The following EPB41L4B variants were observed in gnomAD, a reference collection of about 807,000 sequenced individuals.
EPB41L4B encodes band 4.1-like protein 4B.
In EPB41L4B, 30 loss-of-function variants were observed where a neutral mutation model predicts 112.5. The observed-to-expected ratio is 0.27, with a 90% confidence interval of 0.20 to 0.36. EPB41L4B has a LOEUF of 0.36. Among genes scored for constraint, EPB41L4B ranks in the 10% least tolerant of loss-of-function variants. EPB41L4B has a pLI of 1.00. For synonymous variants in EPB41L4B, 408 were observed against 439.7 expected, an observed-to-expected ratio of 0.93 and a Z score of 0.90; for missense variants, 1,024 against 1,133.3, an observed-to-expected ratio of 0.90 and a Z score of 1.38.
chr9:109,265,184 T>A (rs1835355306), intron 4 of EPB41L4B, among the ~76,000 whole-genome samples, 160 bp from the exon 5 acceptor site: 1 of 152,218 alleles, frequency 6.6e-6, no homozygotes, highest in South Asian at 2.1e-4. Flanking sequence ...GCATCTCCTC[T>A]TGGGTCTCCA....
At chr9:109,233,431 A>G (rs942794007) in intron 15 of EPB41L4B, among the ~76,000 whole-genome samples, 2 of 152,220 alleles carry the variant, frequency 1.3e-5, no homozygotes, top group African/African-American at 4.8e-5. Flanking sequence ...TTCAAAATCA[A>G]TTCCTTTCCC....
chr9:109,287,782 C>T (rs1183580304), intron 1 of EPB41L4B, among the ~76,000 whole-genome samples: 4 of 152,058 alleles, frequency 2.6e-5, no homozygotes, highest in Non-Finnish European at 4.4e-5. Flanking sequence ...CACAGGTGTA[C>T]TCCACTATGG....
intron 1 of EPB41L4B, among the ~76,000 whole-genome samples, chr9:109,281,589 C>T (rs1332599697): frequency 3.3e-5 from 5 of 152,060 alleles, no homozygotes; most frequent in Admixed American, 6.6e-5. Context: ...TGTAATCCCG[C>T]TATTCAGGAG....
chr9:109,235,542 C>A (rs1284165497), intron 15 of EPB41L4B, among the ~76,000 whole-genome samples: 1 of 151,990 alleles, frequency 6.6e-6, no homozygotes, highest in African/African-American at 2.4e-5. Context: ...ACTACACAGG[C>A]ACACACCACC....
chr9:109,285,184 A>G lies in EPB41L4B; in HGVS notation c.307-5263T>C, dbSNP rs1283391779. On this transcript the variant is annotated intron_variant, in intron 1 of 25. Coordinates refer to ENST00000374566, the MANE Select transcript of EPB41L4B (RefSeq NM_019114.5). Reference sequence around the variant, plus strand: ...GGTCTGTTTTGGTTCTGGGCTGACCATCCCATCACACAGAGTATTAACTGA... The same window carrying G: ...GGTCTGTTTTGGTTCTGGGCTGACCGTCCCATCACACAGAGTATTAACTGA... Among the ~76,000 whole-genome samples, 5 of 152,376 alleles carry G rather than the reference A, an allele frequency of 3.3e-5. No homozygotes were observed. The South Asian group carries it at 8.3e-4, about 25-fold the overall frequency.
chr9:109,178,577 T>C (rs7037973), intron 24 of EPB41L4B, among the ~76,000 whole-genome samples: 13,647 of 152,042 alleles, frequency 0.09, 957 homozygotes, highest in African/African-American at 0.19. Flanking sequence ...TTAAGAACAG[T>C]ATTCAGAACA....
intron 1 of EPB41L4B, among the ~76,000 whole-genome samples, chr9:109,289,927 C>T (rs930474527): frequency 5.9e-5 from 9 of 152,182 alleles, no homozygotes; most frequent in Non-Finnish European, 1.3e-4. Context: ...TTTGTTATTC[C>T]ACTTATCAGT....
intron 15 of EPB41L4B, among the ~76,000 whole-genome samples, chr9:109,225,766 G>C (rs980197867): frequency 6.6e-6 from 1 of 152,168 alleles, no homozygotes; most frequent in Non-Finnish European, 1.5e-5. Flanking sequence ...AGTGATGCTT[G>C]AAGCAGGTCC....
chr9:109,224,229 C>T (rs1833687110), intron 15 of EPB41L4B, among the ~76,000 whole-genome samples: 1 of 152,066 alleles, frequency 6.6e-6, no homozygotes, highest in Non-Finnish European at 1.5e-5. Flanking sequence ...CATGCAAAAA[C>T]TTACATGTGA....
intron 1 of EPB41L4B, among the ~76,000 whole-genome samples, chr9:109,283,196 T>G (rs16914084): frequency 0.012 from 1,771 of 152,262 alleles, 31 homozygotes; most frequent in African/African-American, 0.04. Context: ...TCTGGCAAGG[T>G]TACACTAAGG....
At chr9:109,197,362 G>A (rs1386984591) in intron 20 of EPB41L4B, among the ~76,000 whole-genome samples, 2 of 152,162 alleles carry the variant, frequency 1.3e-5, no homozygotes, top group Non-Finnish European at 2.9e-5. Context: ...GGCGGAGGCT[G>A]CAGTGAGCTA....
At chr9:109,200,632 C>T (rs540073898) in intron 19 of EPB41L4B, among the ~76,000 whole-genome samples, 15 of 152,156 alleles carry the variant, frequency 9.9e-5, no homozygotes, top group Non-Finnish European at 1.9e-4. Flanking sequence ...CCCTGCCCCC[C>T]AATATGAGGG....
intron 1 of EPB41L4B, chr9:109,300,859 A>G (rs747364599): frequency 2.0e-5 from 3 of 152,148 alleles, no homozygotes; most frequent in African/African-American, 4.8e-5. Flanking sequence ...TCACTATCCT[A>G]TATGTGAAAT....
At chr9:109,239,923 G>A (rs1402880047) in intron 15 of EPB41L4B, 5 of 985,426 alleles carry the variant, frequency 5.1e-6, no homozygotes, top group Non-Finnish European at 6.0e-6. Flanking sequence ...GTGACAGGCA[G>A]GACAACCTTC....
intron 1 of EPB41L4B, among the ~76,000 whole-genome samples, chr9:109,281,180 CAGATGGGAG>C (rs1836022466): frequency 6.6e-6 from 1 of 151,404 alleles, no homozygotes; most frequent in Non-Finnish European, 1.5e-5. Context: ...GCAGACAACC[CAGATGGGAG>C]AACATGTTTG....
chr9:109,228,087 T>A (rs1833844012), intron 15 of EPB41L4B, among the ~76,000 whole-genome samples: 1 of 152,228 alleles, frequency 6.6e-6, no homozygotes, highest in Non-Finnish European at 1.5e-5. Flanking sequence ...GTCTCCAGAA[T>A]AATATTGAAT....
intron 6 of EPB41L4B, among the ~76,000 whole-genome samples, chr9:109,260,578 C>A (rs1311579595): frequency 6.6e-6 from 1 of 152,064 alleles, no homozygotes. Context: ...CCATGCCTGG[C>A]TAATTTTTGT....
Position 109,216,958 on chromosome 9 carries a change from G to A in EPB41L4B, c.1597C>T (p.Leu533=), listed in dbSNP as rs1253403801. 1.2e-6 allele frequency: 2 copies of A among 1,614,062 alleles called. No homozygotes were observed. The highest frequency in any genetic ancestry group is 2.7e-5 in the African/African-American group (2 of 74,934). The change falls in exon 16 of 26, where the codon CTG becomes TTG. Residue 533 remains leucine, a synonymous_variant. Coordinates refer to ENST00000374566, the MANE Select transcript of EPB41L4B (RefSeq NM_019114.5). ...TTGCTGCTGGAGTTTGGGGACCTCA[G>A]AGGCCCCTCTTTGTTCTCCAGGGTC... is the stretch of plus-strand genomic sequence containing the variant. ...SLTLENKEGP[L]RSPNSSSKSL... is the part of the protein sequence containing the mutation.
At chr9:109,281,827 T>C (rs951674747) in intron 1 of EPB41L4B, among the ~76,000 whole-genome samples, 4 of 152,152 alleles carry the variant, frequency 2.6e-5, no homozygotes, top group African/African-American at 7.2e-5. Context: ...CTCTGGAAAA[T>C]AGCCTGGCAG....
Sources: gnomAD v4.1 joint callset for allele counts (sites outside exome capture counted in the v4.1 genomes callset) on GRCh38, gnomAD v4.1.1 for gene constraint, MANE v1.5 for transcripts, NCBI Gene and HGNC (gene_info 2026-07-23, HGNC 2026-07-21) for gene names.